Variants in CCDC51 observed in about 807,000 individuals in gnomAD.
The protein encoded by CCDC51 is coiled-coil domain containing 51, also known as mitochondrial potassium channel.
Under a neutral mutation model 24.8 loss-of-function variants are expected in CCDC51, and 25 were observed. The observed-to-expected ratio is 1.01, with a 90% CI of 0.73 to 1.41. The LOEUF (loss-of-function observed/expected upper bound fraction) is 1.41, where lower values mean the gene tolerates loss of function less well. Among genes scored for constraint, CCDC51 ranks in the 40% most tolerant of loss-of-function variants. The pLI is 0.00. For missense variants in CCDC51, 466 were observed against 519.1 expected (o/e 0.90, Z 0.99); for synonymous variants, 190 against 204.3 (o/e 0.93, Z 0.60).
In CCDC51 at chr3:48,433,740, CA is replaced by C. The variant is rs1415590319; in HGVS notation, c.443del (p.Leu148TrpfsTer66). 6.2e-7 allele frequency: 1 copy of C among 1,614,038 alleles called. No individual in the cohort carries two copies. ...TCCTGTGCTCGAGAGTAGCCAGTTC[CA>C]AGTACTGACTGTCCTCCCTGGAGAC... ...DRVSREDSQY[L>X]ELATLEHRML... On this transcript the variant is annotated frameshift_variant, in exon 3 of 4. Transcript: ENST00000395694. LOFTEE classifies it high-confidence loss of function. This position sits in a 1 kb window ranked among gnomAD's most constrained non-coding sequence, Gnocchi z 4.4.
chr3:48,443,734 T>A (rs2039619279), upstream of CCDC51: 2 of 726,920 alleles, frequency 2.8e-6, no homozygotes, highest in Non-Finnish European at 2.1e-6. Flanking sequence ...ATGCTTGTGT[T>A]AAAGTGAATG....
chr3:48,444,852 T>C (rs752855522), upstream of CCDC51, among the ~76,000 whole-genome samples: 15 of 152,028 alleles, frequency 9.9e-5, no homozygotes, highest in Non-Finnish European at 2.1e-4. Flanking sequence ...CACTTGCTGG[T>C]GGATGGAGGG....
At chr3:48,442,482 C>T (rs1300939207), upstream of CCDC51, among the ~76,000 whole-genome samples, 2 of 142,048 alleles carry the variant, frequency 1.4e-5, no homozygotes, top group African/African-American at 2.6e-5. Flanking sequence ...TAAATAGTCT[C>T]ACTCTGTCGC....
At chr3:48,440,796 G>A (rs1046431220), upstream of CCDC51, 3 of 660,548 alleles carry the variant, frequency 4.5e-6, no homozygotes, top group Non-Finnish European at 7.9e-6. Context: ...GCGGCAGTAA[G>A]GGCCGGGAGC....
chr3:48,433,977 C>T lies in CCDC51; in HGVS notation c.313-106G>A. The T allele has an allele frequency of 6.7e-7, 1 of 1,503,680 alleles. No homozygotes were observed. The allele number at this position is 1,503,680 out of a possible 1,614,324, so 93.1% of individuals were successfully genotyped here. A position where few individuals can be genotyped will look rare whatever the true frequency, so the allele number is the denominator to read the frequency against. ...CCAGAAGAGGTCACTGGGGTGTGAG[C>T]TGCAAAGGGTGGAAACGGAATTCCT... On this transcript the variant is annotated intron_variant, in intron 2 of 3. Transcript: ENST00000395694. This position sits in a 1 kb window ranked among gnomAD's most constrained non-coding sequence, Gnocchi z 4.4.
In CCDC51 at chr3:48,433,708, T is replaced by C. The variant is rs775979259; in HGVS notation, c.476A>G (p.Gln159Arg). The change falls in exon 3 of 4, where the codon CAG becomes CGG. Residue 159 changes from glutamine (Q) to arginine (R), a missense_variant and splice_region_variant. Gln to Arg is a conservative substitution (Grantham distance 43). Transcript: ENST00000395694. The surrounding 1 kb of genome is among the most constrained non-coding windows in gnomAD (Gnocchi z 4.4). Reference protein sequence around the residue: ...ELATLEHRMLQEEKRLRTAYL... With the variant: ...ELATLEHRMLREEKRLRTAYL... ...AGGGCTGCCTCCTGAGGTGCCTACC[T>C]GCAGCATCCTGTGCTCGAGAGTAGC... The C allele has an allele frequency of 1.9e-6, 3 of 1,612,772 alleles. No individual in the cohort carries two copies. Among genetic ancestry groups the C allele is most frequent in the Non-Finnish European group, 2.5e-6 (3 of 1,179,292 alleles).
upstream of CCDC51, chr3:48,440,315 A>T (rs1481832842): frequency 6.2e-7 from 1 of 1,609,966 alleles, no homozygotes; most frequent in Non-Finnish European, 8.5e-7. Context: ...CCGCGAAGGT[A>T]AGTGTTCCGG....
upstream of CCDC51, chr3:48,441,050 C>CT (rs1411017708): frequency 1.0e-5 from 2 of 195,714 alleles, no homozygotes; most frequent in African/African-American, 5.0e-5. Flanking sequence ...GAGTCTCACT[C>CT]TGTCTCCCAG....
upstream of CCDC51, chr3:48,440,611 C>T (rs557810359): frequency 4.3e-6 from 7 of 1,611,466 alleles, no homozygotes; most frequent in Middle Eastern, 2.2e-4. Context: ...GCGAAGGCCG[C>T]GGGGAAGGGG....
intron 1 of CCDC51, chr3:48,438,339 A>G (rs971394247): frequency 6.6e-6 from 1 of 152,026 alleles, no homozygotes; most frequent in Non-Finnish European, 1.5e-5. Context: ...AAAAAAAAAC[A>G]GAACTATACT....
upstream of CCDC51, chr3:48,440,281 A>T (rs200628256): frequency 6.2e-7 from 1 of 1,600,022 alleles, no homozygotes; most frequent in Admixed American, 1.7e-5. Flanking sequence ...GGTCTGGGGA[A>T]GCGGCGGCAG....
chr3:48,435,373 C>A lies in CCDC51; in HGVS notation c.-8-237G>T, dbSNP rs556216279. On this transcript the variant is annotated intron_variant, in intron 1 of 3. Coordinates refer to ENST00000395694, the MANE Select transcript of CCDC51 (RefSeq NM_001256964.2). This position sits in a 1 kb window ranked among gnomAD's most constrained non-coding sequence, Gnocchi z 4.2. ...GGGACGAGCCTCTAGGATGCCATAC[C>A]TTCCAGTGCCCGCCACCATGCCACA... is the stretch of plus-strand genomic sequence containing the variant. Among the ~76,000 whole-genome samples, 1 of 152,274 alleles carries A rather than the reference C, an allele frequency of 6.6e-6. No individual in the cohort carries two copies. Among genetic ancestry groups the A allele is most frequent in the Non-Finnish European group, 1.5e-5 (1 of 68,008 alleles).
rs1484042900 is a variant in CCDC51, at chr3:48,432,656, T to C, written c.988A>G (p.Thr330Ala). 2 of 1,614,122 alleles carry C rather than the reference T, an allele frequency of 1.2e-6. No homozygotes were observed. Among genetic ancestry groups the C allele is most frequent in the Non-Finnish European group, 1.7e-6 (2 of 1,180,042 alleles). Residue 330 changes from threonine to alanine, a missense_variant, in exon 4 of 4, where the codon ACT becomes GCT. Transcript: ENST00000395694. Reference protein sequence around the residue: ...LREQLDGLEKTCSQMAGVVQL... With the variant: ...LREQLDGLEKACSQMAGVVQL... ...ACCACCCCAGCCATTTGGCTACAAG[T>C]CTTTTCTAGGCCATCAAGCTGCTCT...
At position 48,437,626 on chromosome 3, in the gene CCDC51, C is replaced by A. The variant is rs996638229; in HGVS notation, c.-9+2362G>T. 2.6e-4 allele frequency among the ~76,000 whole-genome samples: 39 copies of A among 152,246 alleles called. No individual in the cohort carries two copies. The highest frequency in any genetic ancestry group is 4.1e-4 in the Non-Finnish European group (28 of 68,014). ...AATCCTGCCCCTTCAGATCCATTCT[C>A]CCGCTCTATGTAGATGGCTGTCTCC... On this transcript the variant is annotated intron_variant, in intron 1 of 3. Coordinates refer to ENST00000395694, the MANE Select transcript of CCDC51 (RefSeq NM_001256964.2). The surrounding 1 kb of genome is among the most constrained non-coding windows in gnomAD (Gnocchi z 4.2).
At chr3:48,443,202 C>A (rs942772467), upstream of CCDC51, among the ~76,000 whole-genome samples, 25 of 145,180 alleles carry the variant, frequency 1.7e-4, no homozygotes, top group Non-Finnish European at 1.0e-4. Context: ...AATTGCACCA[C>A]CGCAGTCCAG....
chr3:48,439,991 C>T lies in CCDC51; in HGVS notation c.-12G>A, dbSNP rs2039508752. The T allele has an allele frequency of 4.1e-6, 2 of 491,008 alleles. No homozygotes were observed. Among genetic ancestry groups the T allele is most frequent in the Non-Finnish European group, 7.2e-6 (2 of 278,312 alleles). 30.4% of individuals were successfully genotyped at this position (491,008 alleles called of 1,614,324 possible). On this transcript the variant is annotated 5_prime_UTR_variant, in exon 1 of 4. Coordinates refer to ENST00000395694, the MANE Select transcript of CCDC51 (RefSeq NM_001256964.2). ...ATGCACATGCCCTGCTGTCTACCTG[C>T]AGTGCTCTTCCCGCGCACGGCCACA...
At chr3:48,441,202 A>G (rs1450953023), upstream of CCDC51, among the ~76,000 whole-genome samples, 1 of 150,888 alleles carries the variant, frequency 6.6e-6, no homozygotes, top group Non-Finnish European at 1.5e-5. Context: ...TTTGAGACGG[A>G]GTGCGGCTAA....
chr3:48,433,983 A>G lies in CCDC51; in HGVS notation c.313-112T>C, dbSNP rs566702093. On this transcript the variant is annotated intron_variant, in intron 2 of 3. Coordinates refer to ENST00000395694, the MANE Select transcript of CCDC51 (RefSeq NM_001256964.2). This position sits in a 1 kb window ranked among gnomAD's most constrained non-coding sequence, Gnocchi z 4.4. The stretch of plus-strand genomic sequence containing the variant: ...GAGGTCACTGGGGTGTGAGCTGCAA[A>G]GGGTGGAAACGGAATTCCTTAGACA... The G allele has an allele frequency of 6.7e-7, 1 of 1,495,982 alleles. No individual in the cohort carries two copies. Among genetic ancestry groups the G allele is most frequent in the African/African-American group, 1.4e-5 (1 of 71,478 alleles). The allele number at this position is 1,495,982 out of a possible 1,614,324, so 92.7% of individuals were successfully genotyped here.
chr3:48,442,319 G>A (rs185701129), upstream of CCDC51, among the ~76,000 whole-genome samples: 49 of 151,804 alleles, frequency 3.2e-4, no homozygotes, highest in Admixed American at 9.2e-4. Flanking sequence ...TTGTGTATAG[G>A]GGAAAGAACA....
Sources: allele counts gnomAD v4.1 joint callset (sites outside exome capture counted in the v4.1 genomes callset), GRCh38; gene constraint gnomAD v4.1.1; non-coding constraint Gnocchi (gnomAD v3.1); transcripts MANE v1.5; gene names NCBI Gene and HGNC (gene_info 2026-07-23, HGNC 2026-07-21).